The following UGGT1 variants were observed in gnomAD, a reference collection of about 807,000 sequenced individuals.
The protein encoded by UGGT1 is UDP-glucose:glycoprotein glucosyltransferase 1.
In UGGT1, 107 loss-of-function variants were observed where a neutral mutation model predicts 203.9. That is an observed-to-expected ratio of 0.52 (90% CI 0.45 to 0.62). The LOEUF is 0.62. UGGT1 is among the 20% of genes least tolerant of loss of function. UGGT1 has a pLI of 0.00. For missense variants in UGGT1, 1,673 were observed against 1,867.2 expected, an observed-to-expected ratio of 0.90 and a Z score of 1.92; for synonymous variants, 628 against 653.5, an observed-to-expected ratio of 0.96 and a Z score of 0.59.
intron 11 of UGGT1, 111 bp downstream of exon 11, chr2:128,123,357 G>T: frequency 4.3e-6 from 4 of 930,018 alleles, no homozygotes; most frequent in Non-Finnish European, 4.8e-6. Flanking sequence ...TATCTAAGAT[G>T]GTGATTTTTT....
Position 128,116,291 on chromosome 2 carries a change from G to A in UGGT1, c.820G>A (p.Gly274Ser). 1 of 1,609,850 alleles carries A rather than the reference G, an allele frequency of 6.2e-7. No individual in the cohort carries two copies. Among genetic ancestry groups the A allele is most frequent in the Non-Finnish European group, 8.5e-7 (1 of 1,176,290 alleles). The change falls in exon 8 of 41, where the codon GGT (glycine) becomes AGT (serine). Residue 274 changes from glycine (G) to serine (S), a missense_variant. Physicochemically the swap from Gly to Ser is moderately conservative, Grantham distance 56. Transcript: ENST00000259253. ...AACTGAGGTAAACACCACAGTGATT[G>A]GTGAAAATGATCCTATTGATGAGGT... ...KGTEVNTTVI[G>S]ENDPIDEVQG...
At chr2:128,122,953 C>T (rs1465680555) in intron 10 of UGGT1, among the ~76,000 whole-genome samples, 4 of 152,164 alleles carry the variant, frequency 2.6e-5, no homozygotes, top group African/African-American at 9.7e-5. Context: ...TTGGAAACAA[C>T]TGCACCTGTT....
intron 3 of UGGT1, among the ~76,000 whole-genome samples, chr2:128,106,534 A>T (rs914025133): frequency 5.3e-5 from 8 of 152,104 alleles, no homozygotes; most frequent in African/African-American, 7.2e-5. Flanking sequence ...GTTAATATTT[A>T]TATTTTGTTT....
chr2:128,152,659 G>C (rs1335381537), intron 18 of UGGT1, 125 bp from the exon 19 acceptor site: 1 of 1,321,906 alleles, frequency 7.6e-7, no homozygotes, highest in Non-Finnish European at 1.0e-6. Context: ...AGTAACTTCT[G>C]TCTTAACTAT....
intron 8 of UGGT1, 145 bp downstream of exon 8, chr2:128,116,488 A>G (rs1205534917): frequency 1.3e-5 from 7 of 539,782 alleles, no homozygotes; most frequent in Non-Finnish European, 2.0e-5. Context: ...CTACGTGGAG[A>G]GTCAACCACT....
intron 15 of UGGT1, among the ~76,000 whole-genome samples, chr2:128,137,391 C>T (rs573145933): frequency 1.1e-4 from 17 of 152,310 alleles, no homozygotes; most frequent in African/African-American, 4.1e-4. Flanking sequence ...ACTCTGGCCT[C>T]GGCAACAGAG....
At chr2:128,174,893 A>T in intron 31 of UGGT1, 35 bp downstream of exon 31, 1 of 1,574,924 alleles carries the variant, frequency 6.3e-7, no homozygotes, top group South Asian at 1.2e-5. Flanking sequence ...TTATCCCAGA[A>T]CTTTTAGAAA....
At chr2:128,099,302 C>T (rs552833519) in intron 2 of UGGT1, among the ~76,000 whole-genome samples, 30 of 152,186 alleles carry the variant, frequency 2.0e-4, no homozygotes, top group African/African-American at 6.7e-4. Context: ...AGCCACTACC[C>T]CTGGCTTATT....
chr2:128,145,909 C>T lies in UGGT1; in HGVS notation c.1958C>T (p.Thr653Ile), dbSNP rs559452486. ...CAGCTAGACCCTGATGAGTTAGAAA[C>T]CATCACAATGCATAAAATCCTGGAG... ...REQLDPDELETITMHKILETT... is the reference protein window; with the variant it reads ...REQLDPDELEIITMHKILETT... The change falls in exon 18 of 41, where the codon ACC (threonine) becomes ATC (isoleucine). Residue 653 changes from threonine to isoleucine, a missense_variant. By Grantham distance (89) the Thr-to-Ile change is moderately conservative (BLOSUM62 -1). Around this residue, in one of 4 missense-constraint regions of UGGT1, gnomAD observed 1,073 missense variants for 1,078.7 expected, o/e 0.99. Coordinates refer to ENST00000259253, the MANE Select transcript of UGGT1 (RefSeq NM_020120.4). 1.9e-6 allele frequency: 3 copies of T among 1,614,096 alleles called. No individual in the cohort carries two copies. The highest frequency in any genetic ancestry group is 2.5e-6 in the Non-Finnish European group (3 of 1,180,004).
At chr2:128,151,041 GGGTTTTGCCATTTT>G in intron 18 of UGGT1, 1 of 223,014 alleles carries the variant, frequency 4.5e-6, no homozygotes, top group South Asian at 5.1e-5. Context: ...AGTAGAGACA[GGGTTTTGCCATTTT>G]GGCTAGGCTG....
At chr2:128,166,478 T>C (rs1425227592) in intron 26 of UGGT1, among the ~76,000 whole-genome samples, 2 of 152,212 alleles carry the variant, frequency 1.3e-5, no homozygotes, top group Non-Finnish European at 2.9e-5. Flanking sequence ...AAAACACAAT[T>C]TCTGTTCACA....
At chr2:128,108,120 A>G (rs1451936041) in intron 4 of UGGT1, 52 bp downstream of exon 4, 19 of 1,593,846 alleles carry the variant, frequency 1.2e-5, no homozygotes, top group Non-Finnish European at 1.6e-5. Context: ...ATCATGATGA[A>G]TGGATGGACC....
intron 16 of UGGT1, among the ~76,000 whole-genome samples, chr2:128,141,569 C>T (rs1263956635): frequency 1.3e-5 from 2 of 152,066 alleles, no homozygotes; most frequent in Non-Finnish European, 2.9e-5. Flanking sequence ...CGAGCCACTG[C>T]ACTCCAGCCT....
chr2:128,182,163 T>G lies in UGGT1; in HGVS notation c.4117T>G (p.Phe1373Val). The change falls in exon 37 of 41, where the codon TTC becomes GTC. Residue 1373 changes from phenylalanine (F) to valine (V), a missense_variant. Physicochemically the swap from Phe to Val is conservative, Grantham distance 50 (BLOSUM62 -1). This residue lies in a region of UGGT1 where 513 missense variants were observed against 684.1 expected (regional missense o/e 0.75). Coordinates refer to ENST00000259253, the MANE Select transcript of UGGT1 (RefSeq NM_020120.4). ...VRTDLKELRD[F>V]NLDGAPYGYT... is the part of the protein sequence containing the mutation. ...AACAGATCTGAAAGAGTTAAGAGAT[T>G]TCAATTTGGATGGTGCTCCTTATGG... 6.2e-7 allele frequency: 1 copy of G among 1,614,102 alleles called. No homozygotes were observed. Among genetic ancestry groups the G allele is most frequent in the Non-Finnish European group, 8.5e-7 (1 of 1,179,974 alleles).
chr2:128,120,786 T>C (rs1226724830), intron 9 of UGGT1, among the ~76,000 whole-genome samples: 3 of 152,232 alleles, frequency 2.0e-5, no homozygotes, highest in Non-Finnish European at 4.4e-5. Context: ...GTTTAAGACA[T>C]GTCATTGTGG....
intron 11 of UGGT1, 74 bp downstream of exon 11, chr2:128,123,320 C>T (rs527471740): frequency 2.0e-5 from 24 of 1,208,054 alleles, no homozygotes; most frequent in Admixed American, 1.0e-4. Context: ...GTTTAATCAG[C>T]AGCATTTAAC....
intron 6 of UGGT1, 92 bp from the exon 7 acceptor site, chr2:128,115,032 C>A: frequency 2.8e-6 from 3 of 1,065,964 alleles, no homozygotes; most frequent in Non-Finnish European, 4.3e-6. Context: ...GAGGTAATGG[C>A]TAGTAGATGC....
chr2:128,194,126 CTT>C lies in UGGT1; in HGVS notation c.*4385_*4386del, dbSNP rs969265805. The C allele has an allele frequency of 6.6e-6, 1 of 152,146 alleles. No individual in the cohort carries two copies. The highest frequency in any genetic ancestry group is 2.4e-5 in the African/African-American group (1 of 41,382). 9.4% of individuals were successfully genotyped at this position (152,146 alleles called of 1,614,324 possible). A position where few individuals can be genotyped will look rare whatever the true frequency, so the allele number is the denominator to read the frequency against. ...TCCCCCCTCAAGACAGAGATTTGCT[CTT>C]GTTGCCCAGGGTGGAGTACAATGGT... On this transcript the variant is annotated 3_prime_UTR_variant, in exon 41 of 41. Transcript: ENST00000259253.
chr2:128,102,402 C>T (rs182141051), intron 2 of UGGT1, among the ~76,000 whole-genome samples: 5 of 152,108 alleles, frequency 3.3e-5, no homozygotes, highest in African/African-American at 4.8e-5. Flanking sequence ...CCTCAGCCTC[C>T]CAAAGTGCTG....
Sources: gnomAD v4.1 joint callset for allele counts (sites outside exome capture counted in the v4.1 genomes callset) on GRCh38, gnomAD v4.1.1 for gene constraint, gnomAD v4.1.1 regional missense constraint, MANE v1.5 for transcripts, NCBI Gene and HGNC (gene_info 2026-07-23, HGNC 2026-07-21) for gene names.